Variants in MYOZ1 observed in about 807,000 individuals in gnomAD.
The protein encoded by MYOZ1 is myozenin 1, also known as myozenin-1.
A neutral mutation model predicts 28.7 loss-of-function variants in MYOZ1; 20 were observed. That is an observed-to-expected ratio of 0.70 (90% CI 0.49 to 1.01). The LOEUF (loss-of-function observed/expected upper bound fraction) is 1.01, where lower values mean the gene tolerates loss of function less well. MYOZ1 is among the 50% of genes least tolerant of loss of function. The probability of loss-of-function intolerance (pLI) is 0.00; values close to 1 mark genes in which losing one functional copy is unlikely to be tolerated. For synonymous variants in MYOZ1, 144 were observed against 145.8 expected (o/e 0.99, Z 0.09); for missense variants, 371 against 372.4 (o/e 1.00, Z 0.03).
chr10:73,638,965 C>CTTT (rs71482555), intron 2 of MYOZ1, among the ~76,000 whole-genome samples: 2 of 99,376 alleles, frequency 2.0e-5, no homozygotes, highest in African/African-American at 7.7e-5. Flanking sequence ...CACGCCTGGA[C>CTTT]TTTTTTTTTT....
rs1471317609 is a variant in MYOZ1 at position 73,632,085 on chromosome 10, G to T, written c.745C>A (p.Pro249Thr). The T allele has an allele frequency of 2.5e-6, 4 of 1,614,018 alleles. No homozygotes were observed. The highest frequency in any genetic ancestry group is 3.4e-6 in the Non-Finnish European group (4 of 1,180,026). Residue 249 changes from proline (P) to threonine (T), a missense_variant, in exon 6 of 6, where the codon CCC (proline) becomes ACC (threonine). Pro to Thr is a conservative substitution (Grantham distance 38). Coordinates refer to ENST00000359322, the MANE Select transcript of MYOZ1 (RefSeq NM_021245.4). Reference sequence around the variant, plus strand: ...AGGACCAGGGGTTCACTCAGCAAGGGCCCCAGGTCAAACTTGGGCATCTGG... The same window carrying T: ...AGGACCAGGGGTTCACTCAGCAAGGTCCCCAGGTCAAACTTGGGCATCTGG... The part of the protein sequence containing the change: ...TFQMPKFDLG[P>T]LLSEPLVLYN...
intron 2 of MYOZ1, among the ~76,000 whole-genome samples, chr10:73,638,965 CTTTTT>C (rs71482555): frequency 1.0e-5 from 1 of 99,382 alleles, no homozygotes; most frequent in South Asian, 3.3e-4. Flanking sequence ...CACGCCTGGA[CTTTTT>C]TTTTTTTTTT....
At chr10:73,633,766 C>A in intron 5 of MYOZ1, 134 bp downstream of exon 5, 1 of 987,406 alleles carries the variant, frequency 1.0e-6, no homozygotes, top group Non-Finnish European at 1.5e-6. Flanking sequence ...AGAGCAGGGC[C>A]TTTGATTAGG....
intron 5 of MYOZ1, among the ~76,000 whole-genome samples, chr10:73,633,457 G>A (rs904937670): frequency 1.3e-5 from 2 of 152,126 alleles, no homozygotes; most frequent in Middle Eastern, 3.2e-3. Context: ...GGCCGGGCAC[G>A]GTGGCTCACC....
At position 73,633,905 on chromosome 10, in the gene MYOZ1, G is replaced by A; in HGVS notation, c.663C>T (p.Phe221=). 6.2e-7 allele frequency: 1 copy of A among 1,607,788 alleles called. No homozygotes were observed. The highest frequency in any genetic ancestry group is 2.2e-5 in the East Asian group (1 of 44,728). The change falls in exon 5 of 6, where the codon TTC becomes TTT. Residue 221 remains phenylalanine (F), a synonymous_variant. Coordinates refer to ENST00000359322, the MANE Select transcript of MYOZ1 (RefSeq NM_021245.4). ...AKAELPKYKS[F]NRTAMPYGGY... ...TCCTTCCTCACCACCCCTACCTGTT[G>A]AAGGACTTATATTTGGGAAGTTCAG...
At chr10:73,633,046 C>T (rs554893397) in intron 5 of MYOZ1, among the ~76,000 whole-genome samples, 4 of 152,120 alleles carry the variant, frequency 2.6e-5, no homozygotes, top group Non-Finnish European at 4.4e-5. Flanking sequence ...CCTGTAATCC[C>T]AGCACTTTGG....
In MYOZ1 at chr10:73,638,382, GA is replaced by G. The variant is rs141551585; in HGVS notation, c.74-461del. On this transcript the variant is annotated intron_variant, in intron 2 of 5. Transcript: ENST00000359322. ...GAGTCCTGCTCTATCATCCAGGCTG[GA>G]GTGGAATGGCGCGATCTCAGCTCAC... Among the ~76,000 whole-genome samples the G allele has an allele frequency of 4.1e-3, 611 of 150,660 alleles. 2 individuals are homozygous for G. The highest frequency in any genetic ancestry group is 6.1e-3 in the Non-Finnish European group (415 of 67,736).
At chr10:73,641,158 A>C (rs2081701771) in intron 1 of MYOZ1, among the ~76,000 whole-genome samples, 1 of 152,136 alleles carries the variant, frequency 6.6e-6, no homozygotes. Flanking sequence ...ATACATCTGC[A>C]ACTCTACTGA....
intron 2 of MYOZ1, among the ~76,000 whole-genome samples, chr10:73,638,965 C>CTTTTT (rs71482555): frequency 1.0e-5 from 1 of 99,380 alleles, no homozygotes; most frequent in African/African-American, 3.9e-5. Flanking sequence ...CACGCCTGGA[C>CTTTTT]TTTTTTTTTT....
In MYOZ1 at chr10:73,640,014, G is replaced by T; in HGVS notation, c.4C>A (p.Pro2Thr). 1 of 1,613,838 alleles carries T rather than the reference G, an allele frequency of 6.2e-7. No individual in the cohort carries two copies. Among genetic ancestry groups the T allele is most frequent in the Non-Finnish European group, 8.5e-7 (1 of 1,179,896 alleles). Residue 2 changes from proline (P) to threonine (T), a missense_variant, in exon 2 of 6, where the codon CCG becomes ACG. Physicochemically the swap from Pro to Thr is conservative, Grantham distance 38. Transcript: ENST00000359322. The part of the protein sequence containing the change: M[P>T]LSGTPAPNKK... Reference sequence around the variant, plus strand: ...TTAGGGGCCGGGGTTCCTGAGAGCGGCATTGTGGAGGTGGATTCAGCCTGG... The same window carrying T: ...TTAGGGGCCGGGGTTCCTGAGAGCGTCATTGTGGAGGTGGATTCAGCCTGG...
rs1186143824 is a variant in MYOZ1 at position 73,641,407 on chromosome 10, T to C, written c.-19+4A>G. On this transcript the variant is annotated splice_donor_region_variant and intron_variant, in intron 1 of 5. Coordinates refer to ENST00000359322, the MANE Select transcript of MYOZ1 (RefSeq NM_021245.4). The stretch of plus-strand genomic sequence containing the variant: ...CCTTTCTAACGATAGAGCTGGAGAC[T>C]TACCGGCTGCTCGGGCAGTGGTCAG... The C allele has an allele frequency of 6.6e-6, 1 of 152,260 alleles. No homozygotes were observed. The highest frequency in any genetic ancestry group is 1.9e-4 in the East Asian group (1 of 5,184). 9.4% of individuals were successfully genotyped at this position (152,260 alleles called of 1,614,324 possible).
intron 1 of MYOZ1, among the ~76,000 whole-genome samples, chr10:73,641,151 C>T (rs2081701695): frequency 1.3e-5 from 2 of 152,306 alleles, no homozygotes; most frequent in South Asian, 2.1e-4. Context: ...TCAAAAAATA[C>T]ATCTGCAACT....
In MYOZ1 at chr10:73,634,078, G is replaced by A. The variant is rs2081652409; in HGVS notation, c.503-13C>T. ...CCTGCCTGGTCTCCTGGTAGCCATG[G>A]GAGAGAAAATTCAGTCAAATAATAG... is the stretch of plus-strand genomic sequence containing the variant. On this transcript the variant is annotated splice_polypyrimidine_tract_variant and intron_variant, in intron 4 of 5. Transcript: ENST00000359322. 1 of 1,613,868 alleles carries A rather than the reference G, an allele frequency of 6.2e-7. No homozygotes were observed. The highest frequency in any genetic ancestry group is 8.5e-7 in the Non-Finnish European group (1 of 1,179,904).
intron 1 of MYOZ1, among the ~76,000 whole-genome samples, chr10:73,640,412 G>A (rs1213158337): frequency 6.6e-6 from 1 of 152,176 alleles, no homozygotes; most frequent in Admixed American, 6.5e-5. Context: ...CCAAAGTGCT[G>A]AGATTACAGG....
intron 2 of MYOZ1, among the ~76,000 whole-genome samples, chr10:73,638,755 CT>C (rs2081685087): frequency 1.3e-5 from 2 of 151,692 alleles, no homozygotes; most frequent in Non-Finnish European, 2.9e-5. Context: ...CAACCTCCAT[CT>C]CCTGGGTTCA....
intron 5 of MYOZ1, among the ~76,000 whole-genome samples, chr10:73,632,657 C>G (rs981829675): frequency 3.3e-5 from 5 of 150,778 alleles, no homozygotes; most frequent in African/African-American, 1.2e-4. Context: ...GGTGGCGCAC[C>G]CCTGTCATCC....
chr10:73,637,653 A>G, intron 3 of MYOZ1, 91 bp downstream of exon 3: 1 of 1,220,288 alleles, frequency 8.2e-7, no homozygotes, highest in Non-Finnish European at 1.1e-6. Context: ...CAGGGAGGGG[A>G]TGTTGACTGC....
chr10:73,639,780 C>T (rs562764719), intron 2 of MYOZ1, among the ~76,000 whole-genome samples, 165 bp downstream of exon 2: 4 of 152,308 alleles, frequency 2.6e-5, no homozygotes, highest in Non-Finnish European at 5.9e-5. Flanking sequence ...TCTTTTCTCT[C>T]TTTCTCCTTA....
At chr10:73,638,626 G>A (rs1057009725) in intron 2 of MYOZ1, among the ~76,000 whole-genome samples, 2 of 136,948 alleles carry the variant, frequency 1.5e-5, no homozygotes, top group East Asian at 2.3e-4. Flanking sequence ...GAGCCGTGGC[G>A]CCCAGCCTAC....
Sources: gnomAD v4.1 joint callset for allele counts (sites outside exome capture counted in the v4.1 genomes callset) on GRCh38, gnomAD v4.1.1 for gene constraint, MANE v1.5 for transcripts, NCBI Gene and HGNC (gene_info 2026-07-23, HGNC 2026-07-21) for gene names.